NLGN1: variants seen among roughly 807,000 people sequenced by gnomAD.
NLGN1 encodes the protein neuroligin 1.
In NLGN1, 12 loss-of-function variants were observed where a neutral mutation model predicts 65.5. That is an observed-to-expected ratio of 0.18 (90% CI 0.12 to 0.30). The LOEUF (loss-of-function observed/expected upper bound fraction) is 0.30. Among genes scored for constraint, NLGN1 ranks in the 10% least tolerant of loss-of-function variants. The pLI is 1.00. For synonymous variants in NLGN1, 350 were observed against 359.5 expected, an observed-to-expected ratio of 0.97 and a Z score of 0.30; for missense variants, 750 against 1,007.1, an observed-to-expected ratio of 0.74 and a Z score of 3.46.
intron 4 of NLGN1, among the ~76,000 whole-genome samples, chr3:173,825,113 G>A (rs1279910524): frequency 6.6e-6 from 1 of 151,964 alleles, no homozygotes; most frequent in Non-Finnish European, 1.5e-5. Context: ...TGACAAAAAT[G>A]AAATTAAGAT....
intron 4 of NLGN1, among the ~76,000 whole-genome samples, chr3:174,008,346 C>T (rs1437675178): frequency 7.5e-6 from 1 of 134,018 alleles, no homozygotes; most frequent in Non-Finnish European, 1.6e-5. Context: ...AATATCCAAC[C>T]CGTCCCCCCC....
intron 3 of NLGN1, among the ~76,000 whole-genome samples, chr3:173,684,178 A>T (rs1764360155): frequency 6.6e-6 from 1 of 152,196 alleles, no homozygotes; most frequent in Non-Finnish European, 1.5e-5. Context: ...AACTTTTCAA[A>T]AAAAATCATT....
At chr3:173,828,772 A>C (rs1333607536) in intron 4 of NLGN1, among the ~76,000 whole-genome samples, 2 of 152,090 alleles carry the variant, frequency 1.3e-5, no homozygotes, top group African/African-American at 4.8e-5. Context: ...AAAGTGTTTC[A>C]GGCAGGGGGA....
At chr3:173,580,563 G>C (rs1746236200) in intron 2 of NLGN1, among the ~76,000 whole-genome samples, 1 of 151,816 alleles carries the variant, frequency 6.6e-6, no homozygotes, top group African/African-American at 2.4e-5. Flanking sequence ...CTAATAATTT[G>C]TATCATGAAG....
intron 4 of NLGN1, among the ~76,000 whole-genome samples, chr3:174,231,605 G>A (rs1461172736): frequency 6.6e-6 from 1 of 152,104 alleles, no homozygotes; most frequent in South Asian, 2.1e-4. Context: ...TTTAGTTTGC[G>A]GTTTCAATGT....
intron 4 of NLGN1, among the ~76,000 whole-genome samples, chr3:174,265,401 G>A (rs964078012): frequency 2.0e-5 from 3 of 152,038 alleles, no homozygotes; most frequent in South Asian, 2.1e-4. Flanking sequence ...TTTTTAAGCC[G>A]GTCCGAAAAG....
intron 4 of NLGN1, among the ~76,000 whole-genome samples, chr3:174,166,948 CT>C (rs969154834): frequency 6.6e-6 from 1 of 151,922 alleles, no homozygotes. Flanking sequence ...CTTCTTTGTC[CT>C]TTTTTTACTG....
chr3:173,947,468 T>A (rs947382104), intron 4 of NLGN1, among the ~76,000 whole-genome samples: 3 of 152,242 alleles, frequency 2.0e-5, no homozygotes, highest in African/African-American at 7.2e-5. Flanking sequence ...TATGAAGCTA[T>A]ATATAAAGCT....
intron 4 of NLGN1, among the ~76,000 whole-genome samples, chr3:174,029,851 C>A (rs1219821851): frequency 6.6e-6 from 1 of 152,172 alleles, no homozygotes. Flanking sequence ...TGCCTACCAG[C>A]ATGTAAGATG....
intron 4 of NLGN1, among the ~76,000 whole-genome samples, chr3:174,158,205 T>C (rs924875283): frequency 4.0e-5 from 6 of 151,814 alleles, no homozygotes; most frequent in African/African-American, 1.2e-4. Context: ...TTTATTTTCA[T>C]GTGCTAACCA....
intron 3 of NLGN1, among the ~76,000 whole-genome samples, chr3:173,797,678 AT>A (rs1714408470): frequency 8.3e-6 from 1 of 120,904 alleles, no homozygotes. Flanking sequence ...AAAACAAAAA[AT>A]AAAACAACAA....
chr3:173,922,032 T>A (rs1223802043), intron 4 of NLGN1, among the ~76,000 whole-genome samples: 1 of 152,116 alleles, frequency 6.6e-6, no homozygotes, highest in Non-Finnish European at 1.5e-5. Context: ...CTTTACCTAA[T>A]GTCTTTTGGT....
intron 4 of NLGN1, among the ~76,000 whole-genome samples, chr3:173,851,936 GT>G (rs979996884): frequency 5.4e-5 from 8 of 147,360 alleles, no homozygotes; most frequent in African/African-American, 9.9e-5. Flanking sequence ...GATGTCACTT[GT>G]TTTTTTTTTC....
chr3:173,571,896 G>A (rs1744711301), intron 2 of NLGN1, among the ~76,000 whole-genome samples: 1 of 152,160 alleles, frequency 6.6e-6, no homozygotes. Flanking sequence ...TTTATGCAAT[G>A]TGAACAGGGT....
chr3:174,178,329 A>G (rs1729811803), intron 4 of NLGN1, among the ~76,000 whole-genome samples: 3 of 152,246 alleles, frequency 2.0e-5, no homozygotes, highest in Admixed American at 2.0e-4. Flanking sequence ...TCCAACATCT[A>G]CTGTGATTGA....
Position 173,588,262 on chromosome 3 carries a change from G to A in NLGN1, c.-320-16017G>A, listed in dbSNP as rs1429506128. 3.3e-5 allele frequency among the ~76,000 whole-genome samples: 5 copies of A among 152,204 alleles called. No individual in the cohort carries two copies. The South Asian group carries it at 1.0e-3, about 31-fold the overall frequency. On this transcript the variant is annotated intron_variant, in intron 2 of 6. Transcript: ENST00000457714. ...GCTAACCATATAATCCTGTGGGATA[G>A]CAACATTCTGTTTCTAAGAAAATGA...
At chr3:174,124,017 AT>A (rs1718328498) in intron 4 of NLGN1, among the ~76,000 whole-genome samples, 1 of 152,030 alleles carries the variant, frequency 6.6e-6, no homozygotes. Context: ...TTAAGATTAA[AT>A]GGGGTCATAA....
At chr3:173,947,162 A>G (rs2152320905) in intron 4 of NLGN1, among the ~76,000 whole-genome samples, 1 of 151,512 alleles carries the variant, frequency 6.6e-6, no homozygotes, top group African/African-American at 2.4e-5. Flanking sequence ...CCCGGGTTCA[A>G]ACGATTCTTG....
At chr3:173,969,842 A>G (rs1459528290) in intron 4 of NLGN1, among the ~76,000 whole-genome samples, 2 of 151,926 alleles carry the variant, frequency 1.3e-5, no homozygotes, top group Non-Finnish European at 2.9e-5. Flanking sequence ...AAGAGTTTTG[A>G]CTCATTCCAA....
Sources: gnomAD v4.1 joint callset for allele counts (sites outside exome capture counted in the v4.1 genomes callset) on GRCh38, gnomAD v4.1.1 for gene constraint, MANE v1.5 for transcripts, NCBI Gene and HGNC (gene_info 2026-07-23, HGNC 2026-07-21) for gene names.